Variants in GRID2 observed in about 807,000 individuals in gnomAD.
The protein encoded by GRID2 is glutamate ionotropic receptor delta type subunit 2.
In GRID2, 33 loss-of-function variants were observed where a neutral mutation model predicts 114.8. The observed-to-expected ratio is 0.29, with a 90% confidence interval of 0.22 to 0.38. The LOEUF is 0.38. Among genes scored for constraint, GRID2 ranks in the 10% least tolerant of loss-of-function variants. The pLI, the probability that GRID2 is intolerant of heterozygous loss-of-function variation, is 1.00. For missense variants in GRID2, 1,184 were observed against 1,257.7 expected, an observed-to-expected ratio of 0.94 and a Z score of 0.89; for synonymous variants, 505 against 449.9, an observed-to-expected ratio of 1.12 and a Z score of -1.55.
At chr4:92,461,311 G>A (rs1316236643) in intron 1 of GRID2, among the ~76,000 whole-genome samples, 1 of 151,844 alleles carries the variant, frequency 6.6e-6, no homozygotes. Context: ...GCAGGTCCTT[G>A]AATAACATCA....
rs72616102 is a variant in GRID2, at chr4:92,948,556, A to T, written c.245-136439A>T. Among the ~76,000 whole-genome samples the T allele has an allele frequency of 5.7e-3, 863 of 151,798 alleles. 18 individuals carry two copies. The East Asian group carries it at 0.078, about 14-fold the overall frequency. ...CCTTAAGAATGACTTATTTAAACTC[A>T]TTTGTCAAAATCAGAATTAGTGCAT... On this transcript the variant is annotated intron_variant, in intron 2 of 15. Coordinates refer to ENST00000282020, the MANE Select transcript of GRID2 (RefSeq NM_001510.4).
chr4:93,055,450 C>T (rs1386618424), intron 2 of GRID2, among the ~76,000 whole-genome samples: 2 of 151,436 alleles, frequency 1.3e-5, no homozygotes, highest in Admixed American at 6.6e-5. Context: ...AGTGCACCAG[C>T]ATGGCACATG....
At chr4:93,332,283 T>C (rs1758557890) in intron 8 of GRID2, among the ~76,000 whole-genome samples, 2 of 121,010 alleles carry the variant, frequency 1.7e-5, no homozygotes, top group African/African-American at 8.1e-5. Flanking sequence ...TGTGTGTGTG[T>C]GTGTGTGTGT....
intron 1 of GRID2, among the ~76,000 whole-genome samples, chr4:92,571,356 A>G (rs1189147249): frequency 6.6e-6 from 1 of 152,152 alleles, no homozygotes; most frequent in African/African-American, 2.4e-5. Context: ...ATATGCACCC[A>G]ATACAGGAGC....
At chr4:92,455,529 CAG>C (rs1721168181) in intron 1 of GRID2, among the ~76,000 whole-genome samples, 1 of 152,012 alleles carries the variant, frequency 6.6e-6, no homozygotes, top group Non-Finnish European at 1.5e-5. Context: ...GAGCAGATGT[CAG>C]AAGAATGAGG....
intron 1 of GRID2, among the ~76,000 whole-genome samples, chr4:92,360,245 C>G (rs1305897805): frequency 6.6e-6 from 1 of 151,862 alleles, no homozygotes; most frequent in African/African-American, 2.4e-5. Context: ...TCATACTATT[C>G]CAAGACAACT....
chr4:92,930,916 G>T (rs535372670), intron 2 of GRID2, among the ~76,000 whole-genome samples: 1 of 150,912 alleles, frequency 6.6e-6, no homozygotes, highest in East Asian at 1.9e-4. Context: ...GGAAAGATTG[G>T]CAGGTTAATT....
intron 3 of GRID2, among the ~76,000 whole-genome samples, chr4:93,108,846 G>T (rs940467013): frequency 6.6e-6 from 1 of 152,022 alleles, no homozygotes; most frequent in Admixed American, 6.6e-5. Context: ...GGCCAGGCTG[G>T]TCTCAAGCTC....
At chr4:93,062,501 C>T (rs188609347) in intron 2 of GRID2, among the ~76,000 whole-genome samples, 1 of 152,170 alleles carries the variant, frequency 6.6e-6, no homozygotes, top group Admixed American at 6.6e-5. Context: ...CGTCATTAGA[C>T]ATGTGTTGTG....
At chr4:92,941,781 T>C (rs1022229354) in intron 2 of GRID2, among the ~76,000 whole-genome samples, 12 of 152,196 alleles carry the variant, frequency 7.9e-5, no homozygotes, top group Non-Finnish European at 1.5e-4. Context: ...TTTGTTCTCA[T>C]TGGTTTCAAA....
chr4:92,535,741 C>T (rs968561486), intron 1 of GRID2, among the ~76,000 whole-genome samples: 2 of 152,190 alleles, frequency 1.3e-5, no homozygotes, highest in African/African-American at 2.4e-5. Context: ...GGTTCTTGGT[C>T]TCGCTAACTT....
chr4:92,796,488 G>A (rs1365650064), intron 2 of GRID2, among the ~76,000 whole-genome samples: 4 of 151,796 alleles, frequency 2.6e-5, no homozygotes, highest in East Asian at 1.9e-4. Flanking sequence ...TTTATAGGTA[G>A]GGCAATCCTG....
intron 1 of GRID2, among the ~76,000 whole-genome samples, chr4:92,340,336 C>A (rs866301625): frequency 3.9e-5 from 6 of 152,180 alleles, no homozygotes; most frequent in Non-Finnish European, 8.8e-5. Flanking sequence ...CATTTTCCCG[C>A]ATGAGTGTCC....
intron 1 of GRID2, among the ~76,000 whole-genome samples, chr4:92,556,128 GGC>G (rs540067981): frequency 4.6e-5 from 7 of 152,078 alleles, no homozygotes; most frequent in Middle Eastern, 3.4e-3. Flanking sequence ...TGAGAAGGAG[GGC>G]CACTAGCATA....
At chr4:93,455,258 C>A (rs1723072763) in intron 10 of GRID2, among the ~76,000 whole-genome samples, 1 of 152,060 alleles carries the variant, frequency 6.6e-6, no homozygotes. Flanking sequence ...TAGTAATTTA[C>A]ATGTTAAGAA....
chr4:92,400,924 T>C (rs1380010687), intron 1 of GRID2, among the ~76,000 whole-genome samples: 1 of 152,168 alleles, frequency 6.6e-6, no homozygotes, highest in Admixed American at 6.6e-5. Flanking sequence ...TGAAATTCTT[T>C]GCAAATTTTT....
chr4:92,843,496 A>C, intron 2 of GRID2, among the ~76,000 whole-genome samples: 1 of 152,160 alleles, frequency 6.6e-6, no homozygotes, highest in East Asian at 1.9e-4. Context: ...TTATTACTTA[A>C]AATGGTAATA....
chr4:93,633,484 T>G (rs957987399), intron 14 of GRID2, among the ~76,000 whole-genome samples: 4 of 152,104 alleles, frequency 2.6e-5, no homozygotes, highest in Non-Finnish European at 4.4e-5. Flanking sequence ...GTGCCCACTT[T>G]CTTGTTTAGC....
At chr4:93,186,085 C>A (rs1740389286) in intron 4 of GRID2, among the ~76,000 whole-genome samples, 1 of 152,122 alleles carries the variant, frequency 6.6e-6, no homozygotes, top group African/African-American at 2.4e-5. Flanking sequence ...CTCATCCTTT[C>A]TTTTATGGCT....
Sources: allele counts gnomAD v4.1 joint callset (sites outside exome capture counted in the v4.1 genomes callset), GRCh38; gene constraint gnomAD v4.1.1; transcripts MANE v1.5; gene names NCBI Gene and HGNC (gene_info 2026-07-23, HGNC 2026-07-21).